The following LRRTM3 variants were observed in gnomAD, a reference collection of about 807,000 sequenced individuals.
The protein encoded by LRRTM3 is leucine-rich repeat transmembrane neuronal protein 3.
LRRTM3 carries 24 observed loss-of-function variants against 44.7 expected under a neutral mutation model. That is an observed-to-expected ratio of 0.54 (90% CI 0.39 to 0.76). The LOEUF is 0.76. LRRTM3 is among the 30% of genes least tolerant of loss of function. The pLI is 0.00. For missense variants in LRRTM3, 587 were observed against 702.2 expected (o/e 0.84, Z 1.85); for synonymous variants, 277 against 278.7 (o/e 0.99, Z 0.06).
At chr10:67,014,474 C>A (rs916213414) in intron 2 of LRRTM3, among the ~76,000 whole-genome samples, 1 of 152,090 alleles carries the variant, frequency 6.6e-6, no homozygotes, top group East Asian at 1.9e-4. Context: ...CATATGCATT[C>A]TTGAAATATA....
intron 2 of LRRTM3, among the ~76,000 whole-genome samples, chr10:66,970,871 A>C (rs1406317986): frequency 6.6e-6 from 1 of 152,164 alleles, no homozygotes; most frequent in Non-Finnish European, 1.5e-5. Context: ...CTGTTTTTCA[A>C]GATAATACAG....
At chr10:67,002,169 T>C (rs962192014) in intron 2 of LRRTM3, among the ~76,000 whole-genome samples, 1 of 152,186 alleles carries the variant, frequency 6.6e-6, no homozygotes, top group Non-Finnish European at 1.5e-5. Flanking sequence ...TTTCCCCTTT[T>C]TGAATTTTCC....
chr10:67,052,734 C>T (rs1589666476), intron 2 of LRRTM3: 1 of 151,904 alleles, frequency 6.6e-6, no homozygotes, highest in East Asian at 1.9e-4. Flanking sequence ...TCCTGCCAGC[C>T]AACAAGTTTT....
At chr10:67,036,750 T>C (rs571412952) in intron 2 of LRRTM3, among the ~76,000 whole-genome samples, 2 of 152,306 alleles carry the variant, frequency 1.3e-5, no homozygotes, top group African/African-American at 4.8e-5. Flanking sequence ...ATATTATCTT[T>C]TTTCAATTCT....
At chr10:67,038,815 A>T (rs565129104) in intron 2 of LRRTM3, among the ~76,000 whole-genome samples, 118 of 152,208 alleles carry the variant, frequency 7.8e-4, no homozygotes, top group Middle Eastern at 3.4e-3. Context: ...TAAAATCTTT[A>T]AAAGTAAATG....
chr10:67,002,364 C>T (rs1454763817), intron 2 of LRRTM3, among the ~76,000 whole-genome samples: 4 of 152,114 alleles, frequency 2.6e-5, no homozygotes, highest in Admixed American at 2.0e-4. Context: ...TCATTGTTTA[C>T]ATTCTATACA....
At position 67,098,014 on chromosome 10, in the gene LRRTM3, T is replaced by G. The variant is rs1014338137; in HGVS notation, c.*218T>G. On this transcript the variant is annotated 3_prime_UTR_variant, in exon 3 of 3. Coordinates refer to ENST00000361320, the MANE Select transcript of LRRTM3 (RefSeq NM_178011.5). Reference sequence around the variant, plus strand: ...GCTAAGTTGTGCAGTATTTTTTGACTTAAACAGAGTATGACCCTGAAAAAT... The same window carrying G: ...GCTAAGTTGTGCAGTATTTTTTGACGTAAACAGAGTATGACCCTGAAAAAT... 3 of 565,290 alleles carry G rather than the reference T, an allele frequency of 5.3e-6. No homozygotes were observed. The African/African-American group carries it at 5.7e-5, about 11-fold the overall frequency. The allele number at this position is 565,290 out of a possible 1,614,324, so 35.0% of individuals were successfully genotyped here.
intron 2 of LRRTM3, among the ~76,000 whole-genome samples, chr10:66,989,420 C>G (rs1850918522): frequency 6.6e-6 from 1 of 152,080 alleles, no homozygotes; most frequent in South Asian, 2.1e-4. Context: ...GTAGGTATAA[C>G]AGAATTAGAC....
At chr10:66,937,797 C>T (rs1473385290) in intron 2 of LRRTM3, among the ~76,000 whole-genome samples, 4 of 152,106 alleles carry the variant, frequency 2.6e-5, no homozygotes, top group Admixed American at 1.3e-4. Flanking sequence ...TTCCTCCCTC[C>T]CAAGTCCTCC....
chr10:66,945,723 T>C (rs147493954), intron 2 of LRRTM3, among the ~76,000 whole-genome samples: 2 of 152,308 alleles, frequency 1.3e-5, no homozygotes, highest in East Asian at 3.9e-4. Context: ...TTTTTATCTT[T>C]TGATTTCAAG....
At chr10:67,054,485 C>T (rs945722539) in intron 2 of LRRTM3, 18 of 152,082 alleles carry the variant, frequency 1.2e-4, no homozygotes, top group Admixed American at 9.8e-4. Context: ...GAAGTTCCCC[C>T]AAAATACACT....
chr10:66,962,719 C>T (rs1222953531), intron 2 of LRRTM3, among the ~76,000 whole-genome samples: 1 of 152,032 alleles, frequency 6.6e-6, no homozygotes, highest in Non-Finnish European at 1.5e-5. Flanking sequence ...CCCACCTCCT[C>T]TAAGTCTTTA....
intron 2 of LRRTM3, among the ~76,000 whole-genome samples, chr10:67,089,038 A>T (rs1469977470): frequency 2.0e-5 from 3 of 152,066 alleles, no homozygotes; most frequent in African/African-American, 7.2e-5. Context: ...GGTGATTTTA[A>T]ATATATGGGA....
At chr10:67,070,517 G>A (rs907481779) in intron 2 of LRRTM3, among the ~76,000 whole-genome samples, 10 of 152,198 alleles carry the variant, frequency 6.6e-5, no homozygotes, top group African/African-American at 2.4e-4. Context: ...GGGAGGCCAG[G>A]GCAGGCAGAT....
chr10:67,008,443 A>C (rs1332598114), intron 2 of LRRTM3, among the ~76,000 whole-genome samples: 1 of 152,152 alleles, frequency 6.6e-6, no homozygotes, highest in East Asian at 1.9e-4. Context: ...AGTAGGCTGA[A>C]ATTCACTACA....
chr10:66,976,195 T>G (rs1850020346), intron 2 of LRRTM3, among the ~76,000 whole-genome samples: 1 of 152,162 alleles, frequency 6.6e-6, no homozygotes, highest in African/African-American at 2.4e-5. Context: ...ACTCATGAAA[T>G]AATTATAAGT....
chr10:67,013,565 A>ACTC, intron 2 of LRRTM3, among the ~76,000 whole-genome samples: 1 of 152,142 alleles, frequency 6.6e-6, no homozygotes. Context: ...CAAACACAGT[A>ACTC]CTCCTAAAAG....
intron 2 of LRRTM3, among the ~76,000 whole-genome samples, chr10:66,950,157 TTATATTTTA>T (rs1848466167): frequency 6.6e-6 from 1 of 152,182 alleles, no homozygotes; most frequent in Non-Finnish European, 1.5e-5. Flanking sequence ...TTTTGACAAA[TTATATTTTA>T]TAACCAAATT....
At chr10:67,051,205 C>A (rs1490445112) in intron 2 of LRRTM3, among the ~76,000 whole-genome samples, 1 of 152,158 alleles carries the variant, frequency 6.6e-6, no homozygotes, top group Middle Eastern at 3.2e-3. Context: ...TCCTCTAGTT[C>A]TCAGTCTGTC....
Sources: gnomAD v4.1 joint callset for allele counts (sites outside exome capture counted in the v4.1 genomes callset) on GRCh38, gnomAD v4.1.1 for gene constraint, MANE v1.5 for transcripts, NCBI Gene and HGNC (gene_info 2026-07-23, HGNC 2026-07-21) for gene names.